GSE1: variants seen among roughly 807,000 people sequenced by gnomAD.
GSE1 encodes Gse1 coiled-coil protein, also known as genetic suppressor element 1.
A neutral mutation model predicts 112.6 loss-of-function variants in GSE1; 32 were observed. The ratio of observed to expected loss-of-function variants is 0.28; its 90% CI spans 0.21 to 0.38. The LOEUF (loss-of-function observed/expected upper bound fraction) is 0.38. GSE1 is among the 10% of genes least tolerant of loss of function. The probability of loss-of-function intolerance (pLI) is 1.00; values close to 1 mark genes in which losing one functional copy is unlikely to be tolerated. For synonymous variants in GSE1, 1,115 were observed against 735.6 expected (o/e 1.52, Z -8.35); for missense variants, 2,348 against 1,699.2 (o/e 1.38, Z -6.71).
At chr16:85,210,129 G>T (rs77621387) in intron 1 of GSE1, among the ~76,000 whole-genome samples, 1 of 152,118 alleles carries the variant, frequency 6.6e-6, no homozygotes, top group African/African-American at 2.4e-5. Context: ...GTTCTGTGTC[G>T]TATTCGTCTT....
At chr16:85,497,804 C>T (rs992551816) in intron 2 of GSE1, among the ~76,000 whole-genome samples, 1 of 152,178 alleles carries the variant, frequency 6.6e-6, no homozygotes, top group Non-Finnish European at 1.5e-5. Context: ...CTTTTCTGCA[C>T]CCCCGGCCCA....
At chr16:85,236,075 C>T (rs1388476515) in intron 1 of GSE1, among the ~76,000 whole-genome samples, 2 of 152,176 alleles carry the variant, frequency 1.3e-5, no homozygotes, top group Non-Finnish European at 2.9e-5. Flanking sequence ...CCGGATTTCC[C>T]GGCTCCTCCC....
At chr16:85,631,895 C>T (rs538396213) in intron 1 of GSE1, among the ~76,000 whole-genome samples, 1 of 152,384 alleles carries the variant, frequency 6.6e-6, no homozygotes, top group East Asian at 1.9e-4. Context: ...CCTCTGTGCA[C>T]AGGGAGAGGC....
chr16:85,411,111 G>GGC (rs2048527274), intron 2 of GSE1, among the ~76,000 whole-genome samples: 1 of 112,370 alleles, frequency 8.9e-6, no homozygotes, highest in African/African-American at 4.6e-5. Context: ...TTACACTCAG[G>GGC]CCCCCCGGAT....
At chr16:85,261,912 T>C (rs538411929) in intron 1 of GSE1, among the ~76,000 whole-genome samples, 1 of 152,260 alleles carries the variant, frequency 6.6e-6, no homozygotes, top group South Asian at 2.1e-4. Flanking sequence ...AACCCTCGTG[T>C]GTATCCTGAG....
At chr16:85,319,584 T>C (rs890063071) in intron 1 of GSE1, among the ~76,000 whole-genome samples, 13 of 152,176 alleles carry the variant, frequency 8.5e-5, no homozygotes, top group African/African-American at 2.9e-4. Flanking sequence ...GGGCAGACAT[T>C]ATTGCGACCA....
Position 85,672,457 on chromosome 16 carries a change from C to T in GSE1, c.3572C>T (p.Ala1191Val), listed in dbSNP as rs1342356741. The T allele has an allele frequency of 2.5e-6, 4 of 1,608,374 alleles. No homozygotes were observed. The highest frequency in any genetic ancestry group is 3.4e-6 in the Non-Finnish European group (4 of 1,175,262). ...KMVSERERLQAELDHLRKCLA... is the reference protein window; with the variant it reads ...KMVSERERLQVELDHLRKCLA... ...GTCTCAGAAAGGGAGCGGCTCCAGGCAGAACTGGACCACTTACGAAAGTGC... is the reference window on the plus strand; with the variant it reads ...GTCTCAGAAAGGGAGCGGCTCCAGGTAGAACTGGACCACTTACGAAAGTGC... The change falls in exon 16 of 16, where the codon GCA (alanine) becomes GTA (valine). Residue 1191 changes from alanine to valine, a missense_variant. Physicochemically the swap from Ala to Val is moderately conservative, Grantham distance 64 (BLOSUM62 0). Coordinates refer to ENST00000253458, the MANE Select transcript of GSE1 (RefSeq NM_014615.5).
chr16:85,604,236 C>T (rs1053329938), intron 1 of GSE1, among the ~76,000 whole-genome samples: 6 of 152,224 alleles, frequency 3.9e-5, no homozygotes, highest in African/African-American at 1.4e-4. Context: ...TTTGCCTGTT[C>T]CGGGCATTTC....
rs1387865778 is a variant in GSE1 at position 85,656,339 on chromosome 16, G to A, written c.990-4G>A. On this transcript the variant is annotated splice_region_variant and splice_polypyrimidine_tract_variant and intron_variant, in intron 6 of 15. Coordinates refer to ENST00000253458, the MANE Select transcript of GSE1 (RefSeq NM_014615.5). The stretch of plus-strand genomic sequence containing the variant: ...GAGCCCCCAACTCTTTCCATGTGCT[G>A]CAGGCTGCAGATGGACGAGGAGCTA... 6.2e-7 allele frequency: 1 copy of A among 1,611,210 alleles called. No homozygotes were observed. The highest frequency in any genetic ancestry group is 8.5e-7 in the Non-Finnish European group (1 of 1,179,188).
chr16:85,523,481 A>G (rs1193595785), intron 2 of GSE1, among the ~76,000 whole-genome samples: 2 of 151,952 alleles, frequency 1.3e-5, no homozygotes, highest in African/African-American at 2.4e-5. Context: ...AGTTGGCCAC[A>G]CTCCCCAGAT....
intron 2 of GSE1, among the ~76,000 whole-genome samples, chr16:85,359,146 G>C (rs2047012738): frequency 6.6e-6 from 1 of 152,204 alleles, no homozygotes; most frequent in Admixed American, 6.5e-5. Flanking sequence ...CTCAGGCTGG[G>C]TCCACACCCA....
chr16:85,491,943 C>G (rs916553189), intron 2 of GSE1, among the ~76,000 whole-genome samples: 6 of 152,170 alleles, frequency 3.9e-5, no homozygotes, highest in South Asian at 2.1e-4. Context: ...CTGCCTGTCC[C>G]TGTCCCCGCC....
chr16:85,436,595 G>A (rs557934101), intron 2 of GSE1, among the ~76,000 whole-genome samples: 36 of 152,254 alleles, frequency 2.4e-4, no homozygotes, highest in African/African-American at 6.8e-4. Context: ...TGAAGGCGGG[G>A]ACCTCGGTAG....
At chr16:85,665,233 C>T in intron 12 of GSE1, 105 bp downstream of exon 12, 1 of 658,952 alleles carries the variant, frequency 1.5e-6, no homozygotes, top group African/African-American at 1.8e-5. Context: ...ATGTGGCCTC[C>T]TGCAGGCTGT....
intron 1 of GSE1, among the ~76,000 whole-genome samples, chr16:85,334,615 G>C (rs2046444822): frequency 6.6e-6 from 1 of 152,182 alleles, no homozygotes; most frequent in Non-Finnish European, 1.5e-5. Context: ...GCGTGGGGTG[G>C]GCCACTTGTG....
chr16:85,631,488 T>C (rs1209501093), intron 1 of GSE1, among the ~76,000 whole-genome samples: 1 of 152,230 alleles, frequency 6.6e-6, no homozygotes, highest in East Asian at 1.9e-4. Flanking sequence ...CCATGTGCCC[T>C]CCCCATTGTG....
At chr16:85,275,129 T>C (rs902335461) in intron 1 of GSE1, among the ~76,000 whole-genome samples, 1 of 152,182 alleles carries the variant, frequency 6.6e-6, no homozygotes, top group African/African-American at 2.4e-5. Context: ...GACACAGACC[T>C]GGGCCTGTGC....
chr16:85,247,711 T>C (rs1376983493), intron 1 of GSE1, among the ~76,000 whole-genome samples: 1 of 152,184 alleles, frequency 6.6e-6, no homozygotes, highest in African/African-American at 2.4e-5. Context: ...CTGCCTCTCA[T>C]CTTTCACTTC....
At chr16:85,332,159 A>G (rs1217467796) in intron 1 of GSE1, among the ~76,000 whole-genome samples, 1 of 152,068 alleles carries the variant, frequency 6.6e-6, no homozygotes, top group Admixed American at 6.6e-5. Context: ...TGGGACAAGT[A>G]CCAGAGGTGA....
Sources: gnomAD v4.1 joint callset for allele counts (sites outside exome capture counted in the v4.1 genomes callset) on GRCh38, gnomAD v4.1.1 for gene constraint, MANE v1.5 for transcripts, NCBI Gene and HGNC (gene_info 2026-07-23, HGNC 2026-07-21) for gene names.